The following TAFA4 variants were observed in gnomAD, a reference collection of about 807,000 sequenced individuals.
TAFA4 encodes the protein TAFA chemokine like family member 4.
Under a neutral mutation model 21.1 loss-of-function variants are expected in TAFA4, and 20 were observed. The ratio of observed to expected loss-of-function variants is 0.95; its 90% CI spans 0.67 to 1.38. The LOEUF (loss-of-function observed/expected upper bound fraction) is 1.38. TAFA4 is among the 40% of genes most tolerant of loss of function. The pLI, the probability that TAFA4 is intolerant of heterozygous loss-of-function variation, is 0.00. For synonymous variants in TAFA4, 71 were observed against 67.4 expected (o/e 1.05, Z -0.26); for missense variants, 211 against 180.9 (o/e 1.17, Z -0.95).
At chr3:68,929,360 A>G (rs188939433) in intron 1 of TAFA4, among the ~76,000 whole-genome samples, 1 of 152,350 alleles carries the variant, frequency 6.6e-6, no homozygotes, top group Admixed American at 6.5e-5. Context: ...CTATTGCCTG[A>G]ATCGTGAATC....
intron 3 of TAFA4, among the ~76,000 whole-genome samples, chr3:68,809,361 C>T (rs1255495377): frequency 1.3e-5 from 2 of 152,164 alleles, no homozygotes; most frequent in South Asian, 2.1e-4. Flanking sequence ...AACAAAATAA[C>T]TTGAACATTA....
At chr3:68,820,007 A>G (rs1704077721) in intron 3 of TAFA4, among the ~76,000 whole-genome samples, 1 of 152,240 alleles carries the variant, frequency 6.6e-6, no homozygotes, top group Admixed American at 6.5e-5. Flanking sequence ...AGCACTATTC[A>G]CAATAACCAA....
At chr3:68,864,269 G>C (rs1011340861) in intron 3 of TAFA4, among the ~76,000 whole-genome samples, 5 of 152,112 alleles carry the variant, frequency 3.3e-5, no homozygotes, top group African/African-American at 1.2e-4. Context: ...AACAAACAAT[G>C]TGACTTTAAA....
rs1254168607 is a variant in TAFA4, at chr3:68,880,734, A to C, written c.126T>G (p.His42Gln). The change falls in exon 3 of 6, where the codon CAT becomes CAG. Residue 42 changes from histidine (H) to glutamine (Q), a missense_variant. His to Gln is a conservative substitution (Grantham distance 24, BLOSUM62 0). Transcript: ENST00000295569. ...TAATGAGCTTAAAGGGCTTACCTGC[A>C]TGTCCCCGGAGGTGCTGGCTTGAGG... Reference protein sequence around the residue: ...MSASSQHLRGHAGHHQIKQGT... With the variant: ...MSASSQHLRGQAGHHQIKQGT... 1 of 1,613,898 alleles carries C rather than the reference A, an allele frequency of 6.2e-7. No homozygotes were observed. Among genetic ancestry groups the C allele is most frequent in the South Asian group, 1.1e-5 (1 of 91,074 alleles).
At chr3:68,899,844 A>C (rs1048132283) in intron 1 of TAFA4, among the ~76,000 whole-genome samples, 1 of 152,194 alleles carries the variant, frequency 6.6e-6, no homozygotes, top group Non-Finnish European at 1.5e-5. Flanking sequence ...AAAAGAAGAA[A>C]TGCATATAAA....
intron 3 of TAFA4, among the ~76,000 whole-genome samples, chr3:68,841,913 A>G (rs1162737851): frequency 6.6e-6 from 1 of 152,164 alleles, no homozygotes; most frequent in East Asian, 1.9e-4. Context: ...TCCATGGTGT[A>G]TATGTGCCAT....
intron 5 of TAFA4, among the ~76,000 whole-genome samples, chr3:68,735,479 T>G (rs570454255): frequency 3.2e-4 from 48 of 152,230 alleles, no homozygotes; most frequent in African/African-American, 1.2e-3. Flanking sequence ...AAGAACAACT[T>G]TTTTAAAAGC....
intron 3 of TAFA4, among the ~76,000 whole-genome samples, chr3:68,786,978 G>GA (rs1393543455): frequency 2.6e-5 from 4 of 152,022 alleles, no homozygotes; most frequent in Non-Finnish European, 5.9e-5. Context: ...AAAGAGTCAG[G>GA]AAAAAATATA....
chr3:68,749,928 A>C (rs904056836), intron 4 of TAFA4, among the ~76,000 whole-genome samples: 1 of 152,126 alleles, frequency 6.6e-6, no homozygotes, highest in African/African-American at 2.4e-5. Flanking sequence ...CATCACATAT[A>C]GATATCTATC....
At chr3:68,749,483 C>A (rs185226799) in intron 4 of TAFA4, among the ~76,000 whole-genome samples, 2 of 152,238 alleles carry the variant, frequency 1.3e-5, no homozygotes, top group African/African-American at 4.8e-5. Flanking sequence ...CCAATTAGGG[C>A]ATGATACTGC....
intron 3 of TAFA4, among the ~76,000 whole-genome samples, chr3:68,782,730 G>C (rs1345264776): frequency 1.3e-5 from 2 of 152,164 alleles, no homozygotes; most frequent in Non-Finnish European, 2.9e-5. Context: ...GTGATCGCCA[G>C]GGCTAAGGAG....
At chr3:68,795,204 C>A (rs112099642) in intron 3 of TAFA4, among the ~76,000 whole-genome samples, 4,933 of 151,450 alleles carry the variant, frequency 0.033, 267 homozygotes, top group African/African-American at 0.11. Context: ...TTAGCTAGGT[C>A]TTAAAGAGAT....
At chr3:68,765,253 G>A (rs1455116870) in intron 3 of TAFA4, among the ~76,000 whole-genome samples, 2 of 152,088 alleles carry the variant, frequency 1.3e-5, no homozygotes, top group African/African-American at 4.8e-5. Flanking sequence ...ACCATCTCGT[G>A]AACAAAACTA....
chr3:68,928,829 G>A (rs1240201365), intron 1 of TAFA4, among the ~76,000 whole-genome samples: 4 of 152,154 alleles, frequency 2.6e-5, no homozygotes, highest in Admixed American at 6.5e-5. Flanking sequence ...TTAGGACTCC[G>A]GGATTCTAAT....
At chr3:68,895,565 G>T (rs2089780534) in intron 1 of TAFA4, among the ~76,000 whole-genome samples, 1 of 152,248 alleles carries the variant, frequency 6.6e-6, no homozygotes, top group African/African-American at 2.4e-5. Context: ...CTCATGTAGA[G>T]AAAAGAGAAG....
chr3:68,804,784 C>G (rs571479158), intron 3 of TAFA4, among the ~76,000 whole-genome samples: 1 of 152,132 alleles, frequency 6.6e-6, no homozygotes, highest in Non-Finnish European at 1.5e-5. Context: ...CTTCCTTACA[C>G]CTTATACAAA....
intron 3 of TAFA4, among the ~76,000 whole-genome samples, chr3:68,847,008 G>A (rs1035664640): frequency 1.3e-4 from 20 of 152,196 alleles, no homozygotes; most frequent in Non-Finnish European, 2.2e-4. Flanking sequence ...GGACCCAGTT[G>A]AGGAGGCAGT....
intron 3 of TAFA4, among the ~76,000 whole-genome samples, chr3:68,870,863 C>G (rs1352121723): frequency 1.3e-5 from 2 of 152,088 alleles, no homozygotes; most frequent in Non-Finnish European, 1.5e-5. Flanking sequence ...TGTTAGTTTG[C>G]TGAGAATGAT....
chr3:68,814,708 G>T (rs185525709), intron 3 of TAFA4, among the ~76,000 whole-genome samples: 1 of 152,134 alleles, frequency 6.6e-6, no homozygotes, highest in African/African-American at 2.4e-5. Flanking sequence ...TGGGTAGGAA[G>T]AATCAGTATC....
Sources: gnomAD v4.1 joint callset for allele counts (sites outside exome capture counted in the v4.1 genomes callset) on GRCh38, gnomAD v4.1.1 for gene constraint, MANE v1.5 for transcripts, NCBI Gene and HGNC (gene_info 2026-07-23, HGNC 2026-07-21) for gene names.